UNK: variants seen among roughly 807,000 people sequenced by gnomAD.
UNK encodes the protein unk zinc finger.
Under a neutral mutation model 97.6 loss-of-function variants are expected in UNK, and 32 were observed. That is an observed-to-expected ratio of 0.33 (90% CI 0.25 to 0.44). The LOEUF (loss-of-function observed/expected upper bound fraction) is 0.44, where lower values mean the gene tolerates loss of function less well. Ranked by LOEUF, UNK falls within the 20% of genes least tolerant of loss-of-function variation. UNK has a pLI of 1.00. For missense variants in UNK, 771 were observed against 1,098.4 expected, an observed-to-expected ratio of 0.70 and a Z score of 4.21; for synonymous variants, 441 against 461.2, an observed-to-expected ratio of 0.96 and a Z score of 0.56.
At position 75,823,344 on chromosome 17, in the gene UNK, G is replaced by A. The variant is rs750925143; in HGVS notation, c.2099G>A (p.Arg700Gln). Residue 700 changes from arginine to glutamine, a missense_variant, in exon 15 of 16, where the codon CGG becomes CAG. By Grantham distance (43) the Arg-to-Gln change is conservative (BLOSUM62 1). Coordinates refer to ENST00000589666, the MANE Select transcript of UNK (RefSeq NM_001080419.3). ...SAAGAECELA[R>Q]EQRDALEVQV... Reference sequence around the variant, plus strand: ...GCGGGCGCCGAGTGCGAGCTGGCCCGGGAGCAGCGGGATGCACTGGAGGTG... The same window carrying A: ...GCGGGCGCCGAGTGCGAGCTGGCCCAGGAGCAGCGGGATGCACTGGAGGTG... 4.0e-5 allele frequency: 65 copies of A among 1,611,404 alleles called. 1 individual carries two copies. In the Admixed American group the frequency reaches 4.5e-4, roughly 11 times the overall value.
intron 2 of UNK, 22 bp downstream of exon 2, chr17:75,809,991 CAG>C: frequency 1.2e-6 from 2 of 1,611,786 alleles, no homozygotes; most frequent in Non-Finnish European, 1.7e-6. Context: ...AGCCTGTCCT[CAG>C]AGGAGCCCCG....
At chr17:75,789,207 G>GA (rs1231982554) in intron 1 of UNK, among the ~76,000 whole-genome samples, 1 of 152,048 alleles carries the variant, frequency 6.6e-6, no homozygotes, top group Non-Finnish European at 1.5e-5. Context: ...GCTGGACTTA[G>GA]GAATCCAGTC....
At chr17:75,785,892 G>A (rs1167510476) in intron 1 of UNK, 1 of 151,968 alleles carries the variant, frequency 6.6e-6, no homozygotes, top group Non-Finnish European at 1.5e-5. Context: ...CCTGAGTGAT[G>A]TGCATGTTTA....
At chr17:75,793,559 G>A in intron 1 of UNK, 2 of 985,286 alleles carry the variant, frequency 2.0e-6, no homozygotes, top group Non-Finnish European at 2.4e-6. Flanking sequence ...CCTGTTGGTG[G>A]CTCAATTTCT....
chr17:75,821,960 T>C (rs1370495298), intron 13 of UNK: 4 of 329,694 alleles, frequency 1.2e-5, no homozygotes, highest in Non-Finnish European at 2.4e-5. Flanking sequence ...TTATCCAGGG[T>C]CCTTGTCTGT....
intron 7 of UNK, 56 bp downstream of exon 7, chr17:75,815,309 G>C: frequency 1.1e-5 from 17 of 1,528,514 alleles, no homozygotes; most frequent in Non-Finnish European, 1.5e-5. Context: ...CCCTCGCCTG[G>C]CTAGCTCAGG....
Position 75,818,911 on chromosome 17 carries a change from C to G in UNK, c.1546+95C>G. ...CGAGTCTCAAATCAGCACACCAGACCCCTTAGACATCTGTCTTCGGAAAAT... is the reference window on the plus strand; with the variant it reads ...CGAGTCTCAAATCAGCACACCAGACGCCTTAGACATCTGTCTTCGGAAAAT... On this transcript the variant is annotated intron_variant, in intron 11 of 15. Transcript: ENST00000589666. This position sits in a 1 kb window ranked among gnomAD's most constrained non-coding sequence, Gnocchi z 5.1. The G allele has an allele frequency of 7.4e-7, 1 of 1,356,110 alleles. No individual in the cohort carries two copies. Among genetic ancestry groups the G allele is most frequent in the Middle Eastern group, 1.9e-4 (1 of 5,348 alleles). 84.0% of individuals were successfully genotyped at this position (1,356,110 alleles called of 1,614,324 possible).
intron 1 of UNK, among the ~76,000 whole-genome samples, chr17:75,795,033 C>T (rs1002241691): frequency 1.4e-4 from 21 of 152,104 alleles, no homozygotes; most frequent in African/African-American, 4.3e-4. Context: ...TCCTAGGGCA[C>T]GCACGGGGCA....
chr17:75,804,671 T>A (rs2061893910), intron 1 of UNK, among the ~76,000 whole-genome samples: 1 of 149,458 alleles, frequency 6.7e-6, no homozygotes, highest in African/African-American at 2.5e-5. Flanking sequence ...AAACACTGTC[T>A]CTACTAAAAA....
chr17:75,821,928 G>A (rs995423184), intron 13 of UNK: 1 of 340,572 alleles, frequency 2.9e-6, no homozygotes, highest in Non-Finnish European at 5.8e-6. Flanking sequence ...CTTACAATTT[G>A]TGTGATTCTT....
In UNK at chr17:75,823,359, C is replaced by T. The variant is rs1358225607; in HGVS notation, c.2114C>T (p.Ala705Val). The T allele has an allele frequency of 1.1e-5, 18 of 1,611,482 alleles. No individual in the cohort carries two copies. The African/African-American group carries it at 1.6e-4, about 14-fold the overall frequency. ...GAGCTGGCCCGGGAGCAGCGGGATG[C>T]ACTGGAGGTGCAGGTGAAGAAGCTC... ...ECELAREQRD[A>V]LEVQVKKLQE... Residue 705 changes from alanine to valine, a missense_variant, in exon 15 of 16, where the codon GCA becomes GTA. Physicochemically the swap from Ala to Val is moderately conservative, Grantham distance 64 (BLOSUM62 0). This residue lies in a region of UNK where 208 missense variants were observed against 257.4 expected (regional missense o/e 0.81). Coordinates refer to ENST00000589666, the MANE Select transcript of UNK (RefSeq NM_001080419.3).
chr17:75,806,102 C>CA (rs112228363), intron 1 of UNK, among the ~76,000 whole-genome samples: 6,602 of 68,192 alleles, frequency 0.097, 275 homozygotes, highest in African/African-American at 0.17. Context: ...GACTCCGTCT[C>CA]AAAAAAAAAA....
chr17:75,820,602 G>A (rs1003540962), intron 13 of UNK, among the ~76,000 whole-genome samples: 2 of 152,198 alleles, frequency 1.3e-5, no homozygotes, highest in Non-Finnish European at 1.5e-5. Context: ...GCCCAGGGCT[G>A]GCCCAGAAGG....
Position 75,819,960 on chromosome 17 carries a change from C to G in UNK, c.1689C>G (p.Pro563=), listed in dbSNP as rs771087073. The G allele has an allele frequency of 2.5e-5, 41 of 1,612,628 alleles. No homozygotes were observed. The South Asian group carries it at 3.6e-4, about 14-fold the overall frequency. Residue 563 remains proline, a synonymous_variant, in exon 13 of 16, where the codon CCC becomes CCG. Coordinates refer to ENST00000589666, the MANE Select transcript of UNK (RefSeq NM_001080419.3). The surrounding 1 kb of genome is among the most constrained non-coding windows in gnomAD (Gnocchi z 5.4). ...LLQSSAPVNI[P]GSLGSSASFH... ...AGAGCTCTGCACCCGTGAACATCCC[C>G]GGCTCCTTGGGCAGCTCTGCCTCCT...
At position 75,816,646 on chromosome 17, in the gene UNK, T is replaced by C. The variant is rs2062018132; in HGVS notation, c.962-124T>C. 8.2e-7 allele frequency: 1 copy of C among 1,213,042 alleles called. No homozygotes were observed. The highest frequency in any genetic ancestry group is 1.1e-6 in the Non-Finnish European group (1 of 899,812). The allele number at this position is 1,213,042 out of a possible 1,614,324, so 75.1% of individuals were successfully genotyped here. A position where few individuals can be genotyped will look rare whatever the true frequency, so the allele number is the denominator to read the frequency against. ...TGCACAGACATGGTGTTACTAGAGA[T>C]GTCGTAGGAACCTTCCCTTTATGTG... On this transcript the variant is annotated intron_variant, in intron 7 of 15. Coordinates refer to ENST00000589666, the MANE Select transcript of UNK (RefSeq NM_001080419.3). The surrounding 1 kb of genome is among the most constrained non-coding windows in gnomAD (Gnocchi z 4.0).
intron 1 of UNK, among the ~76,000 whole-genome samples, chr17:75,786,701 C>T (rs1567790886): frequency 6.6e-6 from 1 of 152,036 alleles, no homozygotes; most frequent in Non-Finnish European, 1.5e-5. Context: ...ACTAAAAATA[C>T]AAAAAATTAG....
intron 1 of UNK, among the ~76,000 whole-genome samples, chr17:75,803,595 G>C (rs1456059987): frequency 6.6e-6 from 1 of 152,158 alleles, no homozygotes; most frequent in Non-Finnish European, 1.5e-5. Context: ...TTTATTCATT[G>C]TGTTATTCAT....
rs546592886 is a variant in UNK at position 75,825,748 on chromosome 17, T to C, written c.*1331T>C. 1 of 152,304 alleles carries C rather than the reference T, an allele frequency of 6.6e-6. No homozygotes were observed. The highest frequency in any genetic ancestry group is 1.5e-5 in the Non-Finnish European group (1 of 68,018). The allele number at this position is 152,304 out of a possible 1,614,324, so 9.4% of individuals were successfully genotyped here. On this transcript the variant is annotated 3_prime_UTR_variant, in exon 16 of 16. Transcript: ENST00000589666. This position sits in a 1 kb window ranked among gnomAD's most constrained non-coding sequence, Gnocchi z 4.4. ...AAAACTTTTTCCTTTTTTACAAAAATGCAAAAATCAACAAAGCTCCAAACC... is the reference window on the plus strand; with the variant it reads ...AAAACTTTTTCCTTTTTTACAAAAACGCAAAAATCAACAAAGCTCCAAACC...
At chr17:75,790,750 G>A (rs1206123669) in intron 1 of UNK, among the ~76,000 whole-genome samples, 1 of 151,864 alleles carries the variant, frequency 6.6e-6, no homozygotes, top group African/African-American at 2.4e-5. Context: ...GGCCATCACG[G>A]CAAGACTCCA....
Sources: gnomAD v4.1 joint callset for allele counts (sites outside exome capture counted in the v4.1 genomes callset) on GRCh38, gnomAD v4.1.1 for gene constraint, gnomAD v4.1.1 regional missense constraint, Gnocchi (gnomAD v3.1) non-coding constraint, MANE v1.5 for transcripts, NCBI Gene and HGNC (gene_info 2026-07-23, HGNC 2026-07-21) for gene names.